CENPK: variants seen among roughly 807,000 people sequenced by gnomAD.
The protein encoded by CENPK is SoxLZ/Sox6-binding protein Solt.
In CENPK, 46 loss-of-function variants were observed where a neutral mutation model predicts 40.9. That is an observed-to-expected ratio of 1.13 (90% CI 0.89 to 1.44). The LOEUF (loss-of-function observed/expected upper bound fraction) is 1.44, where lower values mean the gene tolerates loss of function less well. Among genes scored for constraint, CENPK ranks in the 40% most tolerant of loss-of-function variants. The pLI, the probability that CENPK is intolerant of heterozygous loss-of-function variation, is 0.00. For missense variants in CENPK, 288 were observed against 303.5 expected, an observed-to-expected ratio of 0.95 and a Z score of 0.38; for synonymous variants, 107 against 104.4, an observed-to-expected ratio of 1.02 and a Z score of -0.15.
At chr5:65,503,326 C>T in the CENPK span, among the ~76,000 whole-genome samples, 8 of 152,096 alleles carry the variant, frequency 5.3e-5, 1 homozygote, top group Non-Finnish European at 1.0e-4. Flanking sequence ...AGGCAAGTCT[C>T]GAAATCCTGA....
chr5:65,543,049 C>T (rs1401834395), intron 5 of CENPK, among the ~76,000 whole-genome samples: 2 of 152,096 alleles, frequency 1.3e-5, no homozygotes, highest in Non-Finnish European at 2.9e-5. Context: ...CTGCAACCTC[C>T]ACCTCCCTGG....
At chr5:65,553,668 C>T (rs2150526062) in intron 3 of CENPK, among the ~76,000 whole-genome samples, 1 of 152,296 alleles carries the variant, frequency 6.6e-6, no homozygotes, top group Admixed American at 6.5e-5. Flanking sequence ...CTGAAACTAA[C>T]CATATTTCCC....
the CENPK span, among the ~76,000 whole-genome samples, chr5:65,501,330 C>G: frequency 6.6e-6 from 1 of 151,794 alleles, no homozygotes; most frequent in African/African-American, 2.4e-5. Context: ...AGGCACCCAC[C>G]ACCACGCCCA....
the CENPK span, among the ~76,000 whole-genome samples, chr5:65,501,271 C>T: frequency 4.0e-5 from 6 of 149,468 alleles, no homozygotes; most frequent in East Asian, 4.0e-4. Flanking sequence ...ATCCACCTCC[C>T]GTGTTCCAGT....
At chr5:65,522,584 G>A (rs1437260992) in intron 9 of CENPK, among the ~76,000 whole-genome samples, 5 of 151,912 alleles carry the variant, frequency 3.3e-5, no homozygotes, top group African/African-American at 1.2e-4. Context: ...ACATGCCACA[G>A]TAATGTTTTT....
At chr5:65,545,763 C>T (rs1748833728) in intron 5 of CENPK, among the ~76,000 whole-genome samples, 1 of 152,104 alleles carries the variant, frequency 6.6e-6, no homozygotes, top group African/African-American at 2.4e-5. Flanking sequence ...GAGATGGATC[C>T]CTCCTCAAGC....
Position 65,534,140 on chromosome 5 carries a change from G to T in CENPK, c.289-4941C>A, listed in dbSNP as rs1477023611. On this transcript the variant is annotated intron_variant, in intron 6 of 10. Transcript: ENST00000396679. ...CAAAATTATGAAATAATAAAGGGAT[G>T]AACTTGACAAAAGATGTGCAAGACC... 4.0e-5 allele frequency among the ~76,000 whole-genome samples: 6 copies of T among 151,040 alleles called. No individual in the cohort carries two copies. In the East Asian group the frequency reaches 1.2e-3, roughly 29 times the overall value.
chr5:65,542,633 T>C (rs1748174573), intron 6 of CENPK, among the ~76,000 whole-genome samples, 169 bp downstream of exon 6: 1 of 151,692 alleles, frequency 6.6e-6, no homozygotes, highest in African/African-American at 2.4e-5. Flanking sequence ...CGAGACTCCG[T>C]TTCCAAAAAA....
At chr5:65,553,220 C>G (rs905059472) in intron 3 of CENPK, among the ~76,000 whole-genome samples, 1 of 152,088 alleles carries the variant, frequency 6.6e-6, no homozygotes, top group African/African-American at 2.4e-5. Flanking sequence ...ACTAATTTGA[C>G]CAGTTCTGAA....
intron 6 of CENPK, among the ~76,000 whole-genome samples, chr5:65,538,896 C>T (rs1747446618): frequency 6.6e-6 from 1 of 152,146 alleles, no homozygotes; most frequent in Admixed American, 6.5e-5. Flanking sequence ...AAGAAATAGC[C>T]TTGATTTTAG....
chr5:65,524,864 C>T (rs1236507240), intron 9 of CENPK, among the ~76,000 whole-genome samples: 1 of 152,100 alleles, frequency 6.6e-6, no homozygotes, highest in Non-Finnish European at 1.5e-5. Flanking sequence ...ATTTTCTTAT[C>T]TTTTACAGCA....
chr5:65,528,601 AG>A (rs1745168034), intron 8 of CENPK, 23 bp from the exon 9 acceptor site: 1 of 1,494,482 alleles, frequency 6.7e-7, no homozygotes, highest in Admixed American at 2.5e-5. Context: ...AAAAATTAAG[AG>A]AAACATTTAA....
chr5:65,529,001 C>A lies in CENPK; in HGVS notation c.388G>T (p.Asp130Tyr), dbSNP rs1265044045. Residue 130 changes from aspartate (D) to tyrosine (Y), a missense_variant, in exon 8 of 11, where the codon GAT becomes TAT. Physicochemically the swap from Asp to Tyr is radical, Grantham distance 160 (BLOSUM62 -3). Coordinates refer to ENST00000396679, the MANE Select transcript of CENPK (RefSeq NM_022145.5). ...EDLEREQRWL[D>Y]EQQQIMESLN... ...GATTCCATTATCTGTTGCTGTTCAT[C>A]CAACCACCGTTGTTCCCTTTCGACA... is the stretch of plus-strand genomic sequence containing the variant. 1 of 1,609,662 alleles carries A rather than the reference C, an allele frequency of 6.2e-7. No homozygotes were observed. The highest frequency in any genetic ancestry group is 2.2e-5 in the East Asian group (1 of 44,762).
chr5:65,515,023 T>C (rs939982457), downstream of CENPK, among the ~76,000 whole-genome samples: 1 of 152,114 alleles, frequency 6.6e-6, no homozygotes, highest in African/African-American at 2.4e-5. Flanking sequence ...ATTTCTCTAT[T>C]GTTTTTGTTT....
downstream of CENPK, among the ~76,000 whole-genome samples, chr5:65,513,023 T>C (rs1742631416): frequency 6.6e-6 from 1 of 152,136 alleles, no homozygotes; most frequent in Non-Finnish European, 1.5e-5. Context: ...TTTTAATTGG[T>C]TTTTCTTATT....
At chr5:65,514,517 A>T (rs1207838127), downstream of CENPK, among the ~76,000 whole-genome samples, 1 of 152,082 alleles carries the variant, frequency 6.6e-6, no homozygotes, top group Non-Finnish European at 1.5e-5. Context: ...CGCCCACCTC[A>T]GCCTCCCAAA....
rs878972828 is a variant in CENPK at position 65,551,421 on chromosome 5, GA to G, written c.241+142del. ...TAAAAGAAGTACAAAATAATTCACA[GA>G]AAAAAAGTGGCTTCTCGGTATCAAT... On this transcript the variant is annotated intron_variant, in intron 5 of 10. Coordinates refer to ENST00000396679, the MANE Select transcript of CENPK (RefSeq NM_022145.5). The G allele has an allele frequency of 2.8e-4, 155 of 545,286 alleles. 3 individuals carry two copies. In the Middle Eastern group the frequency reaches 7.4e-3, roughly 26 times the overall value. 33.8% of individuals were successfully genotyped at this position (545,286 alleles called of 1,614,324 possible). A position where few individuals can be genotyped will look rare whatever the true frequency, so the allele number is the denominator to read the frequency against.
At chr5:65,539,638 C>T (rs1396134655) in intron 6 of CENPK, among the ~76,000 whole-genome samples, 3 of 152,156 alleles carry the variant, frequency 2.0e-5, no homozygotes, top group African/African-American at 7.2e-5. Flanking sequence ...TCTGAGCATC[C>T]TTGTTCCCAC....
At chr5:65,526,811 G>C (rs1168609798) in intron 9 of CENPK, among the ~76,000 whole-genome samples, 1 of 152,086 alleles carries the variant, frequency 6.6e-6, no homozygotes, top group Non-Finnish European at 1.5e-5. Flanking sequence ...TCAATCAATA[G>C]GTCAGGTGTG....
Sources: allele counts gnomAD v4.1 joint callset (sites outside exome capture counted in the v4.1 genomes callset), GRCh38; gene constraint gnomAD v4.1.1; transcripts MANE v1.5; gene names NCBI Gene and HGNC (gene_info 2026-07-23, HGNC 2026-07-21).